KRR1: variants seen among roughly 807,000 people sequenced by gnomAD.
KRR1 encodes KRR1 small subunit processome component homolog.
In KRR1, 23 loss-of-function variants were observed where a neutral mutation model predicts 50.0. The ratio of observed to expected loss-of-function variants is 0.46; its 90% CI spans 0.33 to 0.65. The LOEUF is 0.65. KRR1 is among the 30% of genes least tolerant of loss of function. The pLI, the probability that KRR1 is intolerant of heterozygous loss-of-function variation, is 0.02. For synonymous variants in KRR1, 133 were observed against 146.3 expected (o/e 0.91, Z 0.66); for missense variants, 419 against 442.4 (o/e 0.95, Z 0.47).
intron 1 of KRR1, 141 bp downstream of exon 1, chr12:75,511,372 A>G (rs2046447943): frequency 1.4e-6 from 1 of 725,598 alleles, no homozygotes; most frequent in Admixed American, 2.6e-5. Context: ...GGCCCAGCCA[A>G]AATCTTATCA....
intron 9 of KRR1, 177 bp downstream of exon 9, chr12:75,501,546 A>G (rs1203860541): frequency 3.5e-6 from 2 of 573,338 alleles, no homozygotes; most frequent in Non-Finnish European, 6.1e-6. Flanking sequence ...AATAGGCATT[A>G]GCTGCCTCTA....
Position 75,491,842 on chromosome 12 carries a change from G to A in KRR1, c.*7967C>T, listed in dbSNP as rs1345276954. The A allele has an allele frequency of 1.3e-5, 2 of 151,850 alleles. No individual in the cohort carries two copies. The highest frequency in any genetic ancestry group is 4.8e-5 in the African/African-American group (2 of 41,362). The allele number at this position is 151,850 out of a possible 1,614,324, so 9.4% of individuals were successfully genotyped here. ...TTTAACCATTTGCAATATATATAATGATCTTTAATTTGTTGCCTTTGAATT... is the reference window on the plus strand; with the variant it reads ...TTTAACCATTTGCAATATATATAATAATCTTTAATTTGTTGCCTTTGAATT... On this transcript the variant is annotated 3_prime_UTR_variant, in exon 10 of 10. Coordinates refer to ENST00000229214, the MANE Select transcript of KRR1 (RefSeq NM_007043.7).
intron 6 of KRR1, 148 bp downstream of exon 6, chr12:75,505,050 C>T: frequency 6.7e-6 from 5 of 744,748 alleles, no homozygotes; most frequent in Non-Finnish European, 1.0e-5. Flanking sequence ...ATTAAGTAGG[C>T]TGAAGTCTAC....
rs1304431125 is a variant in KRR1, at chr12:75,492,151, C to T, written c.*7658G>A. On this transcript the variant is annotated 3_prime_UTR_variant, in exon 10 of 10. Transcript: ENST00000229214. ...TCACCCAGGCTGGAGTACAGTGGCT[C>T]GCTTACGGTTCACTGCAGGCTTAAC... The T allele has an allele frequency of 1.3e-5, 2 of 150,052 alleles. No individual in the cohort carries two copies. The highest frequency in any genetic ancestry group is 2.5e-5 in the African/African-American group (1 of 40,554). 9.3% of individuals were successfully genotyped at this position (150,052 alleles called of 1,614,324 possible). A position where few individuals can be genotyped will look rare whatever the true frequency, so the allele number is the denominator to read the frequency against.
chr12:75,502,127 T>A (rs2046398692), intron 7 of KRR1, 127 bp from the exon 8 acceptor site: 1 of 753,606 alleles, frequency 1.3e-6, no homozygotes, highest in African/African-American at 1.8e-5. Flanking sequence ...AAAATGGTAG[T>A]GACATAAAGG....
At position 75,503,971 on chromosome 12, in the gene KRR1, T is replaced by C. The variant is rs775728423; in HGVS notation, c.764A>G (p.Lys255Arg). ...CTTAACAGTTTTTTTCTTTGGTTCC[T>C]TGCGTTTATTCACATTTTTGTGTTT... ...QFKHKNVNKRKEPKKKTVKKE... is the reference protein window; with the variant it reads ...QFKHKNVNKRREPKKKTVKKE... Residue 255 changes from lysine (K) to arginine (R), a missense_variant, in exon 7 of 10, where the codon AAG becomes AGG. Coordinates refer to ENST00000229214, the MANE Select transcript of KRR1 (RefSeq NM_007043.7). The C allele has an allele frequency of 4.3e-6, 7 of 1,612,448 alleles. No homozygotes were observed. The highest frequency in any genetic ancestry group is 5.9e-6 in the Non-Finnish European group (7 of 1,178,838).
chr12:75,499,608 T>A lies in KRR1; in HGVS notation c.*201A>T, dbSNP rs1056905. The A allele has an allele frequency of 0.91, 300,106 of 330,988 alleles. 136,361 individuals are homozygous for A. Among genetic ancestry groups the A allele is most frequent in the East Asian group, 1 (17,661 of 17,690 alleles). 20.5% of individuals were successfully genotyped at this position (330,988 alleles called of 1,614,324 possible). ...CAATGGTCGTAATGTATACAAAGAC[T>A]TATATACCACTTTCTCGTATAAATT... On this transcript the variant is annotated 3_prime_UTR_variant, in exon 10 of 10. Coordinates refer to ENST00000229214, the MANE Select transcript of KRR1 (RefSeq NM_007043.7).
Position 75,497,560 on chromosome 12 carries a change from T to C in KRR1, c.*2249A>G, listed in dbSNP as rs1566100806. ...GAAAGTATTCTACTCTTCGCACTAATACTGAATAAGTAAGATTTGTGACTA... is the reference window on the plus strand; with the variant it reads ...GAAAGTATTCTACTCTTCGCACTAACACTGAATAAGTAAGATTTGTGACTA... On this transcript the variant is annotated 3_prime_UTR_variant, in exon 10 of 10. Transcript: ENST00000229214. The C allele has an allele frequency of 6.6e-6, 1 of 152,214 alleles. No homozygotes were observed. Among genetic ancestry groups the C allele is most frequent in the South Asian group, 2.1e-4 (1 of 4,836 alleles). The allele number at this position is 152,214 out of a possible 1,614,324, so 9.4% of individuals were successfully genotyped here. A position where few individuals can be genotyped will look rare whatever the true frequency, so the allele number is the denominator to read the frequency against.
In KRR1 at chr12:75,497,707, A is replaced by T. The variant is rs953499426; in HGVS notation, c.*2102T>A. The T allele has an allele frequency of 6.6e-6, 1 of 152,076 alleles. No individual in the cohort carries two copies. The highest frequency in any genetic ancestry group is 1.5e-5 in the Non-Finnish European group (1 of 68,012). The allele number at this position is 152,076 out of a possible 1,614,324, so 9.4% of individuals were successfully genotyped here. A position where few individuals can be genotyped will look rare whatever the true frequency, so the allele number is the denominator to read the frequency against. ...AATTATGGCAAGCACTGGAGCATAA[A>T]TTCCTTCGTGGTATTCCTTCGTGGT... On this transcript the variant is annotated 3_prime_UTR_variant, in exon 10 of 10. Coordinates refer to ENST00000229214, the MANE Select transcript of KRR1 (RefSeq NM_007043.7).
chr12:75,497,188 C>A lies in KRR1; in HGVS notation c.*2621G>T, dbSNP rs2046356678. The A allele has an allele frequency of 1.3e-5, 2 of 152,242 alleles. No homozygotes were observed. The highest frequency in any genetic ancestry group is 4.1e-4 in the South Asian group (2 of 4,826). The allele number at this position is 152,242 out of a possible 1,614,324, so 9.4% of individuals were successfully genotyped here. A position where few individuals can be genotyped will look rare whatever the true frequency, so the allele number is the denominator to read the frequency against. ...GCTTCTATTTTTTTCAACGAAACAA[C>A]CCAGTGAAAAAAATGTTTCCCTTTA... On this transcript the variant is annotated 3_prime_UTR_variant, in exon 10 of 10. Coordinates refer to ENST00000229214, the MANE Select transcript of KRR1 (RefSeq NM_007043.7).
chr12:75,504,105 A>C, intron 6 of KRR1, 31 bp from the exon 7 acceptor site: 2 of 1,542,856 alleles, frequency 1.3e-6, no homozygotes, highest in Non-Finnish European at 1.8e-6. Context: ...AAAAATTTTT[A>C]CTTTCCAAAG....
rs1472247418 is a variant in KRR1, at chr12:75,492,040, G to GA, written c.*7768dup. 1 of 148,816 alleles carries GA rather than the reference G, an allele frequency of 6.7e-6. No individual in the cohort carries two copies. Among genetic ancestry groups the GA allele is most frequent in the Non-Finnish European group, 1.5e-5 (1 of 67,328 alleles). The allele number at this position is 148,816 out of a possible 1,614,324, so 9.2% of individuals were successfully genotyped here. ...AGAGTTGGAAAATAAAGAAAACCCA[G>GA]AAAAAACTAGACAAAGCCATAATTC... is the stretch of plus-strand genomic sequence containing the variant. On this transcript the variant is annotated 3_prime_UTR_variant, in exon 10 of 10. Transcript: ENST00000229214.
Position 75,501,969 on chromosome 12 carries a change from A to G in KRR1, c.863T>C (p.Phe288Ser). Residue 288 changes from phenylalanine to serine, a missense_variant, in exon 8 of 10, where the codon TTT (phenylalanine) becomes TCT (serine). Transcript: ENST00000229214. ...CCGCTTCTTCTGATTTGCCTTCAAA[A>G]AGTATTCACCACTAGCCAATTCTTT... ...IDKELASGEYFLKANQKKRQK... is the reference protein window; with the variant it reads ...IDKELASGEYSLKANQKKRQK... 6.2e-7 allele frequency: 1 copy of G among 1,612,382 alleles called. No homozygotes were observed. Among genetic ancestry groups the G allele is most frequent in the Non-Finnish European group, 8.5e-7 (1 of 1,179,082 alleles).
rs569157020 is a variant in KRR1, at chr12:75,498,662, AT to A, written c.*1146del. The A allele has an allele frequency of 1.5e-4, 239 of 1,585,560 alleles. 1 individual carries two copies. The highest frequency in any genetic ancestry group is 6.4e-4 in the South Asian group (58 of 90,472). ...ACTCTCAACTGTGTCTACCCTTTTA[AT>A]TTTTTTTCTTTCTTCCCCCTAACTT... On this transcript the variant is annotated 3_prime_UTR_variant, in exon 10 of 10. Coordinates refer to ENST00000229214, the MANE Select transcript of KRR1 (RefSeq NM_007043.7).
At chr12:75,503,883 A>C in intron 7 of KRR1, 21 bp downstream of exon 7, 2 of 1,566,118 alleles carry the variant, frequency 1.3e-6, no homozygotes, top group Non-Finnish European at 1.7e-6. Context: ...CTTCATATGA[A>C]GTTCTACATT....
intron 1 of KRR1, 24 bp downstream of exon 1, chr12:75,511,489 G>C (rs780480582): frequency 5.0e-6 from 8 of 1,603,060 alleles, no homozygotes; most frequent in Admixed American, 3.3e-5. Flanking sequence ...CAAACCCCAG[G>C]CTTCGGTTCC....
rs546082392 is a variant in KRR1, at chr12:75,493,886, G to C, written c.*5923C>G. On this transcript the variant is annotated 3_prime_UTR_variant, in exon 10 of 10. Coordinates refer to ENST00000229214, the MANE Select transcript of KRR1 (RefSeq NM_007043.7). Reference sequence around the variant, plus strand: ...TTGGTTTTTAGCTTATTTTTAAGTAGCATTTTTTACCTTTTCCTTTACAGT... The same window carrying C: ...TTGGTTTTTAGCTTATTTTTAAGTACCATTTTTTACCTTTTCCTTTACAGT... 2 of 152,170 alleles carry C rather than the reference G, an allele frequency of 1.3e-5. No homozygotes were observed. Among genetic ancestry groups the C allele is most frequent in the African/African-American group, 4.8e-5 (2 of 41,526 alleles). 9.4% of individuals were successfully genotyped at this position (152,170 alleles called of 1,614,324 possible). A position where few individuals can be genotyped will look rare whatever the true frequency, so the allele number is the denominator to read the frequency against.
rs2046337728 is a variant in KRR1 at position 75,494,189 on chromosome 12, G to T, written c.*5620C>A. The T allele has an allele frequency of 6.6e-6, 1 of 152,210 alleles. No individual in the cohort carries two copies. Among genetic ancestry groups the T allele is most frequent in the East Asian group, 1.9e-4 (1 of 5,192 alleles). 9.4% of individuals were successfully genotyped at this position (152,210 alleles called of 1,614,324 possible). A position where few individuals can be genotyped will look rare whatever the true frequency, so the allele number is the denominator to read the frequency against. On this transcript the variant is annotated 3_prime_UTR_variant, in exon 10 of 10. Coordinates refer to ENST00000229214, the MANE Select transcript of KRR1 (RefSeq NM_007043.7). ...GTTGGAAATAAGGTATCGTTATAAA[G>T]TTGTGTGTCTAAGGTGAGAGTTCTC...
At position 75,504,877 on chromosome 12, in the gene KRR1, G is replaced by A. The variant is rs538892697; in HGVS notation, c.660+321C>T. On this transcript the variant is annotated intron_variant, in intron 6 of 9. Coordinates refer to ENST00000229214, the MANE Select transcript of KRR1 (RefSeq NM_007043.7). ...AAAGATCATATCCTTAAATACATGG[G>A]TTCATAATCTAAGAAAACTGGATTG... Among the ~76,000 whole-genome samples, 3 of 152,058 alleles carry A rather than the reference G, an allele frequency of 2.0e-5. No homozygotes were observed. In the East Asian group the frequency reaches 5.8e-4, roughly 29 times the overall value.
Sources: allele counts gnomAD v4.1 joint callset (sites outside exome capture counted in the v4.1 genomes callset), GRCh38; gene constraint gnomAD v4.1.1; transcripts MANE v1.5; gene names NCBI Gene and HGNC (gene_info 2026-07-23, HGNC 2026-07-21).